INO80: variants seen among roughly 807,000 people sequenced by gnomAD.
INO80 encodes the protein INO80 complex ATPase subunit.
A neutral mutation model predicts 203.4 loss-of-function variants in INO80; 20 were observed. That is an observed-to-expected ratio of 0.10 (90% CI 0.07 to 0.14). INO80 has a LOEUF of 0.14. INO80 is among the 10% of genes least tolerant of loss of function. The probability of loss-of-function intolerance (pLI) is 1.00; values close to 1 mark genes in which losing one functional copy is unlikely to be tolerated. For missense variants in INO80, 1,419 were observed against 1,914.4 expected (o/e 0.74, Z 4.83); for synonymous variants, 726 against 685.2 (o/e 1.06, Z -0.93).
chr15:41,012,500 T>C (rs1332249780), intron 27 of INO80, among the ~76,000 whole-genome samples: 1 of 140,986 alleles, frequency 7.1e-6, no homozygotes, highest in African/African-American at 2.7e-5. Context: ...CAGCTGGAGG[T>C]TGCAGTGAGC....
intron 29 of INO80, among the ~76,000 whole-genome samples, chr15:40,996,592 G>A (rs947309153): frequency 1.3e-5 from 2 of 151,998 alleles, no homozygotes; most frequent in Non-Finnish European, 1.5e-5. Flanking sequence ...CCAAAGTGCT[G>A]GGATTACAGG....
chr15:40,990,584 C>T (rs2043803844), intron 29 of INO80, among the ~76,000 whole-genome samples: 1 of 152,192 alleles, frequency 6.6e-6, no homozygotes. Flanking sequence ...ACAATGTAAA[C>T]TGCTGGCGAA....
In INO80 at chr15:41,083,988, CCTA is replaced by C. The variant is rs141441354; in HGVS notation, c.873+1378_873+1380del. Among the ~76,000 whole-genome samples the C allele has an allele frequency of 3.3e-5, 5 of 152,162 alleles. No homozygotes were observed. The East Asian group carries it at 9.6e-4, about 29-fold the overall frequency. The stretch of plus-strand genomic sequence containing the variant: ...TTTTTCCAATTCTTCCCCAGCTACT[CCTA>C]CATTCTGACTTCATCACATGGACTT... On this transcript the variant is annotated intron_variant, in intron 7 of 35. Coordinates refer to ENST00000648947, the MANE Select transcript of INO80 (RefSeq NM_017553.3).
intron 16 of INO80, among the ~76,000 whole-genome samples, chr15:41,057,557 GA>G: frequency 6.6e-6 from 1 of 151,924 alleles, no homozygotes; most frequent in Non-Finnish European, 1.5e-5. Flanking sequence ...AGCACTTTGG[GA>G]GGCAGAGGCA....
chr15:40,997,775 T>TA, intron 28 of INO80, 174 bp from the exon 29 acceptor site: 1 of 499,356 alleles, frequency 2.0e-6, no homozygotes, highest in East Asian at 3.4e-5. Flanking sequence ...GCTCTGTTGT[T>TA]ACAACCAAAC....
At position 40,983,890 on chromosome 15, in the gene INO80, G is replaced by A. The variant is rs764523839; in HGVS notation, c.4109C>T (p.Ser1370Phe). The change falls in exon 34 of 36, where the codon TCC becomes TTC. Residue 1370 changes from serine (S) to phenylalanine (F), a missense_variant. Transcript: ENST00000648947. Reference protein sequence around the residue: ...ISISSELHTGSIPLDESSSDM... With the variant: ...ISISSELHTGFIPLDESSSDM... Reference sequence around the variant, plus strand: ...ACTGCTGCTCTCGTCCAGGGGAATGGAGCCAGTGTGCAGCTCACTGCTGAT... The same window carrying A: ...ACTGCTGCTCTCGTCCAGGGGAATGAAGCCAGTGTGCAGCTCACTGCTGAT... 3.8e-5 allele frequency: 61 copies of A among 1,613,682 alleles called. No individual in the cohort carries two copies. In the East Asian group the frequency reaches 1.4e-3, roughly 36 times the overall value.
At chr15:41,095,718 A>T in intron 3 of INO80, 41 bp downstream of exon 3, 1 of 1,610,062 alleles carries the variant, frequency 6.2e-7, no homozygotes, top group Non-Finnish European at 8.5e-7. Context: ...GACTGCCCCA[A>T]GATAACGATA....
chr15:41,002,920 T>C (rs968518086), intron 28 of INO80, among the ~76,000 whole-genome samples: 3 of 152,130 alleles, frequency 2.0e-5, no homozygotes, highest in African/African-American at 4.8e-5. Flanking sequence ...CTGGCTAACA[T>C]AGTGAAACCT....
At chr15:40,984,726 C>A (rs768481161) in intron 32 of INO80, among the ~76,000 whole-genome samples, 5 of 152,284 alleles carry the variant, frequency 3.3e-5, no homozygotes, top group South Asian at 4.2e-4. Context: ...CAACCCTGAT[C>A]CTAATGGGCC....
intron 27 of INO80, among the ~76,000 whole-genome samples, chr15:41,009,865 G>C (rs1428482163): frequency 1.3e-5 from 2 of 152,104 alleles, no homozygotes; most frequent in African/African-American, 2.4e-5. Flanking sequence ...CTTCCAAAGT[G>C]CTAGGATTAC....
At chr15:41,008,303 A>G (rs1234976068) in intron 27 of INO80, among the ~76,000 whole-genome samples, 3 of 152,098 alleles carry the variant, frequency 2.0e-5, no homozygotes, top group Non-Finnish European at 4.4e-5. Flanking sequence ...AATAAACCTG[A>G]TTCTGTTAAG....
At chr15:40,981,315 G>A (rs1329947487) in intron 35 of INO80, among the ~76,000 whole-genome samples, 1 of 152,232 alleles carries the variant, frequency 6.6e-6, no homozygotes, top group South Asian at 2.1e-4. Flanking sequence ...CACAGTGCAG[G>A]TTCTGAGGAG....
chr15:41,047,131 C>G (rs1332335553), intron 23 of INO80, among the ~76,000 whole-genome samples: 2 of 151,660 alleles, frequency 1.3e-5, no homozygotes. Context: ...CCATGTCCGG[C>G]TACTTTTGTA....
intron 25 of INO80, among the ~76,000 whole-genome samples, chr15:41,024,329 A>C (rs1274979904): frequency 6.6e-6 from 1 of 152,234 alleles, no homozygotes; most frequent in Admixed American, 6.5e-5. Flanking sequence ...CAATATACTT[A>C]GAGTAAATCC....
At position 41,038,011 on chromosome 15, in the gene INO80, CTTTTTTT is replaced by C. The variant is rs748525965; in HGVS notation, c.2907+6886_2907+6892del. 8.5e-3 allele frequency among the ~76,000 whole-genome samples: 767 copies of C among 89,800 alleles called. 9 individuals carry two copies. Among genetic ancestry groups the C allele is most frequent in the African/African-American group, 0.032 (723 of 22,738 alleles). The allele number at this position is 89,800 out of a possible 152,430, so 58.9% of individuals were successfully genotyped here. A position where few individuals can be genotyped will look rare whatever the true frequency, so the allele number is the denominator to read the frequency against. ...GCCTCTCTTGCCCCTCTTCCCTTTT[CTTTTTTT>C]TTTTTTTTTTTTTTGAGATGGAGTC... On this transcript the variant is annotated intron_variant, in intron 24 of 35. Coordinates refer to ENST00000648947, the MANE Select transcript of INO80 (RefSeq NM_017553.3).
intron 29 of INO80, among the ~76,000 whole-genome samples, chr15:40,991,866 C>T (rs1194377909): frequency 6.6e-6 from 1 of 152,010 alleles, no homozygotes; most frequent in Non-Finnish European, 1.5e-5. Context: ...CTCCGCCTCC[C>T]GAGTTCACGC....
chr15:40,987,014 T>G, intron 31 of INO80, 77 bp downstream of exon 31: 1 of 788,138 alleles, frequency 1.3e-6, no homozygotes, highest in South Asian at 1.6e-5. Context: ...TGGCTTTGCC[T>G]ACCCTTGGCA....
intron 14 of INO80, among the ~76,000 whole-genome samples, chr15:41,069,116 T>C (rs1354944756): frequency 6.6e-6 from 1 of 152,154 alleles, no homozygotes; most frequent in Non-Finnish European, 1.5e-5. Context: ...TGCAAGTTAT[T>C]TTGGAACAAT....
rs1250464215 is a variant in INO80, at chr15:41,115,983, C to G, written c.-54G>C. 2 of 384,566 alleles carry G rather than the reference C, an allele frequency of 5.2e-6. No homozygotes were observed. Among genetic ancestry groups the G allele is most frequent in the East Asian group, 3.7e-5 (1 of 26,810 alleles). 23.8% of individuals were successfully genotyped at this position (384,566 alleles called of 1,614,324 possible). On this transcript the variant is annotated 5_prime_UTR_variant, in exon 1 of 36. Transcript: ENST00000648947. ...GTCTAGTTGCCTCACCTCGGGCCGC[C>G]TGGCCCCGCCGCCGCGACGGCGGCG... is the stretch of plus-strand genomic sequence containing the variant.
Sources: gnomAD v4.1 joint callset for allele counts (sites outside exome capture counted in the v4.1 genomes callset) on GRCh38, gnomAD v4.1.1 for gene constraint, MANE v1.5 for transcripts, NCBI Gene and HGNC (gene_info 2026-07-23, HGNC 2026-07-21) for gene names.